Variants in RASA2 observed in about 807,000 individuals in gnomAD.
The protein encoded by RASA2 is ras GTPase-activating protein 2.
RASA2 carries 155 observed loss-of-function variants against 118.2 expected under a neutral mutation model. That is an observed-to-expected ratio of 1.31 (90% confidence interval 1.15 to 1.50). RASA2 has a LOEUF of 1.50. Ranked by LOEUF, RASA2 falls within the 40% of genes most tolerant of loss-of-function variation. RASA2 has a pLI of 0.00. For missense variants in RASA2, 1,016 were observed against 1,009.6 expected (o/e 1.01, Z -0.09); for synonymous variants, 353 against 349.1 (o/e 1.01, Z -0.12).
chr3:141,581,102 A>G lies in RASA2; in HGVS notation c.1677A>G (p.Ser559=). The change falls in exon 17 of 24, where the codon TCA becomes TCG. Residue 559 remains serine (S), a splice_region_variant and synonymous_variant. Transcript: ENST00000286364. ...GSWGSLSKSK[S]SFKETFMCEF... ...ACCCTGTGTTTGTTTTTTCTTAGTCAAGTTTCAAAGAGACATTCATGTGTG... is the reference window on the plus strand; with the variant it reads ...ACCCTGTGTTTGTTTTTTCTTAGTCGAGTTTCAAAGAGACATTCATGTGTG... The G allele has an allele frequency of 6.5e-7, 1 of 1,529,538 alleles. No homozygotes were observed. Among genetic ancestry groups the G allele is most frequent in the South Asian group, 1.3e-5 (1 of 76,362 alleles). The allele number at this position is 1,529,538 out of a possible 1,614,324, so 94.7% of individuals were successfully genotyped here. A position where few individuals can be genotyped will look rare whatever the true frequency, so the allele number is the denominator to read the frequency against.
chr3:141,563,970 CTT>C (rs539729864), intron 9 of RASA2, among the ~76,000 whole-genome samples: 22 of 126,762 alleles, frequency 1.7e-4, no homozygotes, highest in Admixed American at 2.4e-4. Context: ...GTTGTGAAGT[CTT>C]TTTTTTTTTT....
intron 19 of RASA2, among the ~76,000 whole-genome samples, chr3:141,587,688 TG>T (rs1313411223): frequency 2.9e-4 from 38 of 129,124 alleles, no homozygotes; most frequent in African/African-American, 1.1e-3. Flanking sequence ...CACTGTAGCC[TG>T]GGTGACAGAG....
intron 9 of RASA2, among the ~76,000 whole-genome samples, chr3:141,563,750 T>C (rs894623294): frequency 6.6e-6 from 1 of 152,212 alleles, no homozygotes; most frequent in Admixed American, 6.5e-5. Flanking sequence ...CCAAACTGTT[T>C]GACCCCAAAG....
intron 5 of RASA2, among the ~76,000 whole-genome samples, chr3:141,541,858 A>G (rs1339631473): frequency 6.6e-6 from 1 of 151,890 alleles, no homozygotes; most frequent in African/African-American, 2.4e-5. Flanking sequence ...CCTACTAAAA[A>G]TAGTTCAAGA....
chr3:141,573,911 A>G (rs199768601), intron 13 of RASA2, 33 bp from the exon 14 acceptor site: 2 of 1,554,002 alleles, frequency 1.3e-6, no homozygotes, highest in East Asian at 4.7e-5. Context: ...GTGAACATCA[A>G]AATCTTAATG....
At chr3:141,596,239 TAAATA>T (rs1187143732) in intron 19 of RASA2, among the ~76,000 whole-genome samples, 4 of 152,156 alleles carry the variant, frequency 2.6e-5, no homozygotes, top group Admixed American at 6.5e-5. Context: ...ATTTGGAAAT[TAAATA>T]AAATACTTCT....
chr3:141,571,046 T>C lies in RASA2; in HGVS notation c.998T>C (p.Leu333Pro). 2 of 1,602,442 alleles carry C rather than the reference T, an allele frequency of 1.2e-6. No homozygotes were observed. Among genetic ancestry groups the C allele is most frequent in the Non-Finnish European group, 1.7e-6 (2 of 1,176,988 alleles). The change falls in exon 10 of 24, where the codon CTG (leucine) becomes CCG (proline). Residue 333 changes from leucine to proline, a missense_variant. By Grantham distance (98) the Leu-to-Pro change is moderately conservative. Coordinates refer to ENST00000286364, the MANE Select transcript of RASA2 (RefSeq NM_006506.5). ...SEYYGPLKTL[L>P]LKSPDVQPIS... is the part of the protein sequence containing the mutation. The stretch of plus-strand genomic sequence containing the variant: ...TACTATGGTCCTTTGAAAACTTTGC[T>C]GCTAAAATCACCAGATGTTCAAGTA...
At chr3:141,563,527 A>G (rs1320179210) in intron 9 of RASA2, among the ~76,000 whole-genome samples, 1 of 152,212 alleles carries the variant, frequency 6.6e-6, no homozygotes, top group Non-Finnish European at 1.5e-5. Context: ...TAATAGTTAT[A>G]CATCACATAT....
At chr3:141,562,830 A>G (rs573017981) in intron 9 of RASA2, among the ~76,000 whole-genome samples, 95 of 151,636 alleles carry the variant, frequency 6.3e-4, no homozygotes, top group African/African-American at 2.2e-3. Context: ...CCGCCACCAC[A>G]CCCAGCTAAT....
At chr3:141,574,441 G>A (rs898964248) in intron 14 of RASA2, among the ~76,000 whole-genome samples, 6 of 151,954 alleles carry the variant, frequency 3.9e-5, no homozygotes, top group Admixed American at 6.6e-5. Context: ...CGCCCGCCTC[G>A]GCCTCCCAAA....
intron 17 of RASA2, among the ~76,000 whole-genome samples, chr3:141,582,711 C>CTAATTATTAATAATAA (rs1442724390): frequency 2.0e-5 from 3 of 152,158 alleles, no homozygotes; most frequent in African/African-American, 7.2e-5. Context: ...CCCTAATATC[C>CTAATTATTAATAATAA]TAGTTTCCTT....
intron 4 of RASA2, among the ~76,000 whole-genome samples, chr3:141,531,402 GTGTGTGTGTATATATA>G (rs1278910221): frequency 3.3e-5 from 5 of 151,368 alleles, no homozygotes; most frequent in African/African-American, 9.7e-5. Context: ...ATTTGATGGT[GTGTGTGTGTATATATA>G]TGTGTGTGTA....
intron 9 of RASA2, among the ~76,000 whole-genome samples, chr3:141,560,242 G>A (rs911700498): frequency 6.6e-6 from 1 of 152,128 alleles, no homozygotes; most frequent in Non-Finnish European, 1.5e-5. Context: ...AAGTGAAGAC[G>A]ACTCTTAAGG....
intron 19 of RASA2, among the ~76,000 whole-genome samples, chr3:141,592,887 A>G (rs949730878): frequency 6.6e-6 from 1 of 152,042 alleles, no homozygotes; most frequent in Non-Finnish European, 1.5e-5. Flanking sequence ...AAAAAAAAAA[A>G]GAAGAGTCCT....
At chr3:141,488,166 AT>A (rs139078252) in intron 1 of RASA2, among the ~76,000 whole-genome samples, 157 of 147,460 alleles carry the variant, frequency 1.1e-3, no homozygotes, top group Middle Eastern at 3.5e-3. Context: ...TCAGGTTGCC[AT>A]TTTTTTTTTC....
At chr3:141,587,190 C>T (rs1353487439) in intron 19 of RASA2, among the ~76,000 whole-genome samples, 1 of 152,190 alleles carries the variant, frequency 6.6e-6, no homozygotes, top group African/African-American at 2.4e-5. Context: ...GATCCCTATA[C>T]AGTTGTCAAA....
intron 5 of RASA2, among the ~76,000 whole-genome samples, chr3:141,546,453 C>G (rs540758202): frequency 6.6e-6 from 1 of 152,234 alleles, no homozygotes; most frequent in East Asian, 1.9e-4. Context: ...ATGTTGAGCA[C>G]CTTTTCATAA....
intron 19 of RASA2, among the ~76,000 whole-genome samples, chr3:141,594,451 G>A (rs2083335097): frequency 6.6e-6 from 1 of 152,054 alleles, no homozygotes; most frequent in African/African-American, 2.4e-5. Context: ...TGAACTGCAA[G>A]CATGATAAAC....
chr3:141,569,586 A>C (rs1377107813), intron 9 of RASA2, among the ~76,000 whole-genome samples: 2 of 152,168 alleles, frequency 1.3e-5, no homozygotes, highest in Non-Finnish European at 2.9e-5. Context: ...TGAATACTTG[A>C]TTGTCAATGG....
Sources: allele counts gnomAD v4.1 joint callset (sites outside exome capture counted in the v4.1 genomes callset), GRCh38; gene constraint gnomAD v4.1.1; transcripts MANE v1.5; gene names NCBI Gene and HGNC (gene_info 2026-07-23, HGNC 2026-07-21).